The following DPP6 variants were observed in gnomAD, a reference collection of about 807,000 sequenced individuals.
The protein encoded by DPP6 is A-type potassium channel modulatory protein DPP6.
A neutral mutation model predicts 122.6 loss-of-function variants in DPP6; 69 were observed. The observed-to-expected ratio is 0.56, with a 90% CI of 0.46 to 0.69. The LOEUF (loss-of-function observed/expected upper bound fraction) is 0.69. Among genes scored for constraint, DPP6 ranks in the 30% least tolerant of loss-of-function variants. The probability of loss-of-function intolerance (pLI) is 0.00; values close to 1 mark genes in which losing one functional copy is unlikely to be tolerated. For synonymous variants in DPP6, 418 were observed against 433.1 expected (o/e 0.97, Z 0.43); for missense variants, 928 against 1,116.9 (o/e 0.83, Z 2.41).
Position 154,883,799 on chromosome 7 carries a change from TCA to T in DPP6, c.2134-1832_2134-1831del, listed in dbSNP as rs1400648354. 2.6e-5 allele frequency: 3 copies of T among 116,384 alleles called. 1 individual carries two copies. The highest frequency in any genetic ancestry group is 7.0e-5 in the African/African-American group (2 of 28,724). The allele number at this position is 116,384 out of a possible 1,614,324, so 7.2% of individuals were successfully genotyped here. A position where few individuals can be genotyped will look rare whatever the true frequency, so the allele number is the denominator to read the frequency against. ...TGCTCACACAATTACATACACCGAC[TCA>T]CGCACACATGCTCACACAATTACAT... On this transcript the variant is annotated intron_variant, in intron 21 of 25. Coordinates refer to ENST00000377770, the MANE Select transcript of DPP6 (RefSeq NM_130797.4).
In DPP6 at chr7:154,868,035, C is replaced by A; in HGVS notation, c.1755C>A (p.Ala585=). Residue 585 remains alanine, a synonymous_variant, in exon 18 of 26, where the codon GCC becomes GCA. Transcript: ENST00000377770. Reference sequence around the variant, plus strand: ...AAACAAATGAACATGTCAAGAAGGCCATAAATGACCGACAGATGCCTAAAG... The same window carrying A: ...AAACAAATGAACATGTCAAGAAGGCAATAAATGACCGACAGATGCCTAAAG... ...DLETNEHVKK[A]INDRQMPKVE... 1 of 1,608,694 alleles carries A rather than the reference C, an allele frequency of 6.2e-7. No individual in the cohort carries two copies. Among genetic ancestry groups the A allele is most frequent in the Non-Finnish European group, 8.5e-7 (1 of 1,177,734 alleles).
At chr7:154,128,569 T>A (rs964884863) in intron 1 of DPP6, among the ~76,000 whole-genome samples, 1 of 152,052 alleles carries the variant, frequency 6.6e-6, no homozygotes, top group Non-Finnish European at 1.5e-5. Flanking sequence ...GCCTGGCTAA[T>A]TTTTTGTATT....
intron 5 of DPP6, among the ~76,000 whole-genome samples, chr7:154,590,850 C>G (rs1832773253): frequency 6.6e-6 from 1 of 151,982 alleles, no homozygotes; most frequent in Non-Finnish European, 1.5e-5. Flanking sequence ...ATTTTTTACT[C>G]AAACCAAAAA....
chr7:153,934,811 C>T lies in DPP6; in HGVS notation c.51+47077C>T, dbSNP rs541590384. Among the ~76,000 whole-genome samples, 17 of 152,110 alleles carry T rather than the reference C, an allele frequency of 1.1e-4. 1 individual carries two copies. The highest frequency in any genetic ancestry group is 5.2e-4 in the Admixed American group (8 of 15,272). On this transcript the variant is annotated intron_variant, in intron 1 of 25. Transcript: ENST00000404039. ...CAGATGCTTTGCTGAGTCAGGGCAG[C>T]GGGAGACTGTCTGTGAGCTGCACAG...
chr7:153,790,934 C>T, the DPP6 span, among the ~76,000 whole-genome samples: 1 of 152,078 alleles, frequency 6.6e-6, no homozygotes, highest in African/African-American at 2.4e-5. Flanking sequence ...TTCATTTCTA[C>T]GGAGCAACTA....
chr7:154,314,675 C>T (rs1050204064), intron 1 of DPP6, among the ~76,000 whole-genome samples: 2 of 152,136 alleles, frequency 1.3e-5, no homozygotes, highest in Non-Finnish European at 2.9e-5. Flanking sequence ...GGAGTAAAAC[C>T]AAGCTCAGAG....
rs190547097 is a variant in DPP6, at chr7:154,602,270, C to G, written c.627+35354C>G. Among the ~76,000 whole-genome samples, 3 of 121,256 alleles carry G rather than the reference C, an allele frequency of 2.5e-5. 1 individual carries two copies. The highest frequency in any genetic ancestry group is 1.9e-5 in the Non-Finnish European group (1 of 53,774). 79.5% of individuals were successfully genotyped at this position (121,256 alleles called of 152,430 possible). ...ACAGCAGTATTCTTCCATCATTTCA[C>G]CATACCATCCTTTCTGATATTTTGT... On this transcript the variant is annotated intron_variant, in intron 5 of 25. Coordinates refer to ENST00000377770, the MANE Select transcript of DPP6 (RefSeq NM_130797.4).
chr7:154,383,804 C>T (rs1270158843), intron 1 of DPP6, among the ~76,000 whole-genome samples: 1 of 149,302 alleles, frequency 6.7e-6, no homozygotes, highest in East Asian at 2.0e-4. Context: ...GCATGAGAAT[C>T]GCTTGAGCCC....
chr7:154,572,514 T>TC (rs1311338571), intron 5 of DPP6, among the ~76,000 whole-genome samples: 1 of 47,082 alleles, frequency 2.1e-5, no homozygotes, highest in Non-Finnish European at 4.0e-5. Flanking sequence ...TCTTTTCTTT[T>TC]TTTTTTTTTT....
At chr7:154,427,360 A>C (rs1221384424) in intron 1 of DPP6, among the ~76,000 whole-genome samples, 1 of 152,210 alleles carries the variant, frequency 6.6e-6, no homozygotes, top group Admixed American at 6.5e-5. Context: ...GATGTGGTTG[A>C]CATATTGATG....
At chr7:154,705,936 G>T (rs1424864650) in intron 7 of DPP6, among the ~76,000 whole-genome samples, 1 of 152,234 alleles carries the variant, frequency 6.6e-6, no homozygotes, top group Non-Finnish European at 1.5e-5. Context: ...TGCGTAGAAG[G>T]GTTGGAAGGC....
At chr7:154,793,950 G>T (rs1031715889) in intron 10 of DPP6, 129 bp from the exon 11 acceptor site, 2 of 1,403,400 alleles carry the variant, frequency 1.4e-6, no homozygotes, top group Non-Finnish European at 1.9e-6. Flanking sequence ...AAGCTCGCAG[G>T]CTGGCTGTGT....
chr7:153,903,539 A>G (rs1356414640), intron 1 of DPP6, among the ~76,000 whole-genome samples: 1 of 152,208 alleles, frequency 6.6e-6, no homozygotes, highest in African/African-American at 2.4e-5. Flanking sequence ...GATGTGTGTC[A>G]CTGTGTCATC....
At chr7:154,247,899 G>A (rs1276043227) in intron 1 of DPP6, among the ~76,000 whole-genome samples, 1 of 152,148 alleles carries the variant, frequency 6.6e-6, no homozygotes, top group Non-Finnish European at 1.5e-5. Flanking sequence ...TTCATACAGT[G>A]AACTGTTATT....
chr7:154,064,625 T>C (rs1802554292), intron 1 of DPP6, among the ~76,000 whole-genome samples: 1 of 152,006 alleles, frequency 6.6e-6, no homozygotes, highest in Non-Finnish European at 1.5e-5. Context: ...CAAAACTCTT[T>C]CTATCTGTGT....
intron 6 of DPP6, among the ~76,000 whole-genome samples, chr7:154,646,045 A>AAAAAAAAAAAAAAAAAAAAAC (rs1554421912): frequency 2.7e-5 from 4 of 147,568 alleles, no homozygotes; most frequent in African/African-American, 1.0e-4. Flanking sequence ...AAAAAAAAAA[A>AAAAAAAAAAAAAAAAAAAAAC]GAAAATACTG....
At chr7:154,116,464 T>C (rs1273584061) in intron 1 of DPP6, among the ~76,000 whole-genome samples, 1 of 152,236 alleles carries the variant, frequency 6.6e-6, no homozygotes, top group Non-Finnish European at 1.5e-5. Flanking sequence ...TTGCAGCAGT[T>C]CATTTGTGAT....
At chr7:153,988,220 C>A (rs1796944901) in intron 1 of DPP6, among the ~76,000 whole-genome samples, 1 of 152,104 alleles carries the variant, frequency 6.6e-6, no homozygotes, top group South Asian at 2.1e-4. Flanking sequence ...TGACAAGAAG[C>A]TGGCGCCTTT....
At chr7:153,822,433 T>C in the DPP6 span, among the ~76,000 whole-genome samples, 1 of 152,072 alleles carries the variant, frequency 6.6e-6, no homozygotes, top group Non-Finnish European at 1.5e-5. Flanking sequence ...TCAAGTGATC[T>C]GCCCACCTCG....
Sources: allele counts gnomAD v4.1 joint callset (sites outside exome capture counted in the v4.1 genomes callset), GRCh38; gene constraint gnomAD v4.1.1; transcripts MANE v1.5; gene names NCBI Gene and HGNC (gene_info 2026-07-23, HGNC 2026-07-21).